Variants in TEX11 observed in about 807,000 individuals in gnomAD.
TEX11 encodes testis expressed 11.
Under a neutral mutation model 84.4 loss-of-function variants are expected in TEX11, and 7 were observed. The observed-to-expected ratio is 0.08, with a 90% CI of 0.05 to 0.16. TEX11 has a LOEUF of 0.16. Among genes scored for constraint, TEX11 ranks in the 10% least tolerant of loss-of-function variants. The pLI, the probability that TEX11 is intolerant of heterozygous loss-of-function variation, is 1.00. For missense variants in TEX11, 551 were observed against 660.5 expected (o/e 0.83, Z 1.82); for synonymous variants, 264 against 222.8 (o/e 1.18, Z -1.64).
intron 2 of TEX11, among the ~76,000 whole-genome samples, chrX:70,883,050 A>C (rs2091691415): frequency 8.9e-6 from 1 of 112,697 alleles, no homozygotes; most frequent in Admixed American, 9.4e-5. Flanking sequence ...AAAGCTGGGT[A>C]AGTGATAGAG....
At chrX:70,721,095 G>A (rs1250913811) in intron 13 of TEX11, among the ~76,000 whole-genome samples, 2 of 111,375 alleles carry the variant, frequency 1.8e-5, no homozygotes, top group East Asian at 2.8e-4. Context: ...ATCAAATTAC[G>A]TTAGAGGTAC....
At chrX:70,658,104 A>G (rs2089889625) in intron 16 of TEX11, among the ~76,000 whole-genome samples, 1 of 111,462 alleles carries the variant, frequency 9.0e-6, no homozygotes, top group African/African-American at 3.3e-5. Context: ...GATACAAGAT[A>G]TGAAAGATCA....
chrX:70,814,030 G>A (rs2091273110), intron 8 of TEX11, among the ~76,000 whole-genome samples: 1 of 111,462 alleles, frequency 9.0e-6, no homozygotes, highest in Non-Finnish European at 1.9e-5. Flanking sequence ...TACTGCCCAA[G>A]GTAATTTATA....
chrX:70,794,214 G>A (rs1015008810), intron 9 of TEX11, among the ~76,000 whole-genome samples: 3 of 111,581 alleles, frequency 2.7e-5, no homozygotes, highest in African/African-American at 9.8e-5. Context: ...TGCAATGATT[G>A]TGAGACTCTG....
chrX:70,708,796 G>C (rs747692926), intron 13 of TEX11, among the ~76,000 whole-genome samples: 1 of 110,266 alleles, frequency 9.1e-6, no homozygotes, highest in Admixed American at 9.7e-5. Context: ...GACTAGTAGA[G>C]GGGGGAGAGG....
At chrX:70,852,358 T>C (rs762017758) in intron 7 of TEX11, among the ~76,000 whole-genome samples, 2 of 111,207 alleles carry the variant, frequency 1.8e-5, no homozygotes, top group African/African-American at 6.5e-5. Flanking sequence ...AATTTTTCAC[T>C]TTTATTTTTT....
intron 2 of TEX11, among the ~76,000 whole-genome samples, chrX:70,898,790 A>C (rs1241322578): frequency 9.1e-6 from 1 of 110,387 alleles, no homozygotes; most frequent in East Asian, 2.8e-4. Flanking sequence ...TATTTTTAGT[A>C]GAGACGGGGT....
the TEX11 span, among the ~76,000 whole-genome samples, chrX:70,517,820 A>C: frequency 1.5e-3 from 162 of 111,134 alleles, no homozygotes; most frequent in South Asian, 4.2e-3. Flanking sequence ...GTCTATTCAG[A>C]GATTCAACTT....
At chrX:70,782,487 A>G (rs534145909) in intron 9 of TEX11, among the ~76,000 whole-genome samples, 6 of 109,881 alleles carry the variant, frequency 5.5e-5, no homozygotes, top group African/African-American at 2.0e-4. Flanking sequence ...TTAAATGTAA[A>G]TGGGCTAAAT....
intron 2 of TEX11, among the ~76,000 whole-genome samples, chrX:70,882,635 T>G (rs1416016930): frequency 1.8e-5 from 2 of 110,766 alleles, no homozygotes; most frequent in East Asian, 5.7e-4. Context: ...TTAAAAATTA[T>G]CTGGGTGTGG....
intron 26 of TEX11, among the ~76,000 whole-genome samples, chrX:70,554,299 A>G (rs982106309): frequency 9.8e-5 from 11 of 112,071 alleles, no homozygotes; most frequent in Admixed American, 1.9e-4. Flanking sequence ...GCCCAGAAAA[A>G]CTTTCTAAAG....
chrX:70,597,236 A>G (rs1256132023), intron 24 of TEX11, among the ~76,000 whole-genome samples: 2 of 111,887 alleles, frequency 1.8e-5, no homozygotes, highest in Non-Finnish European at 3.8e-5. Flanking sequence ...TTTCAATGCA[A>G]CCCCTATCAA....
chrX:70,848,387 C>T (rs1182147975), intron 7 of TEX11, among the ~76,000 whole-genome samples: 2 of 111,747 alleles, frequency 1.8e-5, no homozygotes, highest in African/African-American at 6.5e-5. Context: ...TCTGTGCCCT[C>T]TTCCCCACTT....
chrX:70,614,794 G>A (rs1486242870), intron 20 of TEX11, among the ~76,000 whole-genome samples: 1 of 111,257 alleles, frequency 9.0e-6, no homozygotes, highest in African/African-American at 3.3e-5. Flanking sequence ...TACCCCCAAT[G>A]CCAGACAGTT....
intron 25 of TEX11, among the ~76,000 whole-genome samples, chrX:70,570,503 C>T (rs111783959): frequency 0.084 from 9,381 of 112,121 alleles, 851 homozygotes; most frequent in African/African-American, 0.27. Context: ...CTGCGTCGCT[C>T]ACGCTGGGAG....
At chrX:70,610,636 A>G in intron 20 of TEX11, 93 bp from the exon 21 acceptor site, 2 of 929,386 alleles carry the variant, frequency 2.2e-6, no homozygotes, top group Non-Finnish European at 3.0e-6. Context: ...TGAGAATTGA[A>G]CTAAGAAAAT....
At chrX:70,584,362 A>G (rs1603103816) in intron 25 of TEX11, among the ~76,000 whole-genome samples, 2 of 112,163 alleles carry the variant, frequency 1.8e-5, no homozygotes, top group East Asian at 5.5e-4. Flanking sequence ...GAAATAGAAA[A>G]TCTCAACAGA....
intron 8 of TEX11, among the ~76,000 whole-genome samples, chrX:70,827,168 A>G (rs1334683874): frequency 4.5e-5 from 5 of 111,222 alleles, no homozygotes; most frequent in African/African-American, 1.6e-4. Flanking sequence ...ATCCTGGGCC[A>G]AAAGGGAACC....
chrX:70,744,042 T>A (rs780408765), intron 10 of TEX11, 123 bp downstream of exon 10: 3 of 253,946 alleles, frequency 1.2e-5, no homozygotes, highest in Non-Finnish European at 2.0e-5. Flanking sequence ...TACACTGAGA[T>A]GTTAAATGTT....
Sources: allele counts gnomAD v4.1 joint callset (sites outside exome capture counted in the v4.1 genomes callset), GRCh38; gene constraint gnomAD v4.1.1; transcripts MANE v1.5; gene names NCBI Gene and HGNC (gene_info 2026-07-23, HGNC 2026-07-21).